Variants in ZNF354B observed in about 807,000 individuals in gnomAD.
ZNF354B encodes the protein zinc finger protein 354B.
ZNF354B carries 10 observed loss-of-function variants against 12.9 expected under a neutral mutation model. The observed-to-expected ratio is 0.77, with a 90% confidence interval of 0.48 to 1.31. ZNF354B has a LOEUF of 1.31. Ranked by LOEUF, ZNF354B falls within the 40% of genes most tolerant of loss-of-function variation. ZNF354B has a pLI of 0.00. For synonymous variants in ZNF354B, 260 were observed against 243.7 expected (o/e 1.07, Z -0.62); for missense variants, 614 against 711.7 (o/e 0.86, Z 1.56).
chr5:178,869,905 T>C (rs11950641), intron 4 of ZNF354B, among the ~76,000 whole-genome samples: 22,532 of 152,108 alleles, frequency 0.15, 2,033 homozygotes, highest in African/African-American at 0.25. Flanking sequence ...GGACTAAGAT[T>C]GCCCCAGGAC....
At chr5:178,867,360 C>G (rs1395870140) in intron 4 of ZNF354B, among the ~76,000 whole-genome samples, 2 of 152,170 alleles carry the variant, frequency 1.3e-5, no homozygotes, top group African/African-American at 4.8e-5. Context: ...AATAATCACT[C>G]TGGCTGAAGC....
intron 4 of ZNF354B, among the ~76,000 whole-genome samples, chr5:178,877,284 CT>C (rs1248875302): frequency 2.0e-5 from 3 of 152,152 alleles, no homozygotes; most frequent in African/African-American, 7.2e-5. Context: ...ATTCTTCTGC[CT>C]CAGCCTCCTG....
At chr5:178,869,552 C>T (rs1757528452) in intron 4 of ZNF354B, among the ~76,000 whole-genome samples, 1 of 152,092 alleles carries the variant, frequency 6.6e-6, no homozygotes, top group Admixed American at 6.5e-5. Flanking sequence ...AAGAGTTGTT[C>T]CCTTTCCCTT....
chr5:178,862,526 C>A (rs751677277), intron 2 of ZNF354B, among the ~76,000 whole-genome samples: 1 of 152,048 alleles, frequency 6.6e-6, no homozygotes, highest in Non-Finnish European at 1.5e-5. Context: ...GCCACCACGC[C>A]CGGCTAATTT....
chr5:178,881,016 T>C (rs112576473), intron 4 of ZNF354B, among the ~76,000 whole-genome samples: 22,468 of 151,456 alleles, frequency 0.15, 2,034 homozygotes, highest in African/African-American at 0.25. Flanking sequence ...CTAATTTTTG[T>C]TATTTTTAGT....
chr5:178,875,269 C>G (rs1036244152), intron 4 of ZNF354B, among the ~76,000 whole-genome samples: 1 of 152,160 alleles, frequency 6.6e-6, no homozygotes, highest in Non-Finnish European at 1.5e-5. Flanking sequence ...GAAGGGACTC[C>G]GGTTGGTGGT....
At chr5:178,861,997 T>C (rs1757355647) in intron 2 of ZNF354B, among the ~76,000 whole-genome samples, 1 of 152,168 alleles carries the variant, frequency 6.6e-6, no homozygotes, top group African/African-American at 2.4e-5. Flanking sequence ...ATTATTGTCT[T>C]AATATATTAA....
At chr5:178,879,951 C>T (rs1757693825) in intron 4 of ZNF354B, among the ~76,000 whole-genome samples, 1 of 151,334 alleles carries the variant, frequency 6.6e-6, no homozygotes, top group Admixed American at 6.6e-5. Context: ...CACGGCAAAA[C>T]CCCGTCTCTA....
At chr5:178,880,831 A>ATTTTTTTTTTTTTTT (rs56013359) in intron 4 of ZNF354B, among the ~76,000 whole-genome samples, 1 of 76,146 alleles carries the variant, frequency 1.3e-5, no homozygotes, top group Non-Finnish European at 2.3e-5. Context: ...ACTCATGGTC[A>ATTTTTTTTTTTTTTT]TTTTTTTTTT....
chr5:178,867,229 C>G (rs1223580506), intron 4 of ZNF354B, among the ~76,000 whole-genome samples, 158 bp downstream of exon 4: 1 of 152,200 alleles, frequency 6.6e-6, no homozygotes, highest in Non-Finnish European at 1.5e-5. Flanking sequence ...GGATTAGTCA[C>G]TTGTAATCAC....
At chr5:178,872,220 T>C (rs1055491091) in intron 4 of ZNF354B, among the ~76,000 whole-genome samples, 2 of 152,146 alleles carry the variant, frequency 1.3e-5, no homozygotes, top group Non-Finnish European at 2.9e-5. Context: ...GAATGTCATA[T>C]ACATGGAATA....
At position 178,884,029 on chromosome 5, in the gene ZNF354B, A is replaced by G. The variant is rs757712529; in HGVS notation, c.1577A>G (p.Glu526Gly). The G allele has an allele frequency of 6.2e-7, 1 of 1,614,112 alleles. No homozygotes were observed. Among genetic ancestry groups the G allele is most frequent in the South Asian group, 1.1e-5 (1 of 91,088 alleles). ...GGAGAGAAACCATATCGATGTTTAG[A>G]ATGTGGGATGTCTTTTGGCCAAAGT... is the stretch of plus-strand genomic sequence containing the variant. ...HTGEKPYRCLECGMSFGQSAA... is the reference protein window; with the variant it reads ...HTGEKPYRCLGCGMSFGQSAA... The change falls in exon 5 of 5, where the codon GAA becomes GGA. Residue 526 changes from glutamate to glycine, a missense_variant. Coordinates refer to ENST00000322434, the MANE Select transcript of ZNF354B (RefSeq NM_058230.3).
At chr5:178,865,664 A>G (rs1757436611) in intron 2 of ZNF354B, among the ~76,000 whole-genome samples, 1 of 152,236 alleles carries the variant, frequency 6.6e-6, no homozygotes, top group South Asian at 2.1e-4. Flanking sequence ...TGTGAAGGTT[A>G]GATACAGTAT....
At chr5:178,870,538 C>CCTTT (rs1757546339) in intron 4 of ZNF354B, among the ~76,000 whole-genome samples, 1 of 152,212 alleles carries the variant, frequency 6.6e-6, no homozygotes, top group Non-Finnish European at 1.5e-5. Flanking sequence ...CCTCAGCCTC[C>CCTTT]CAAAAGGCTG....
chr5:178,876,427 C>T (rs11952261), intron 4 of ZNF354B, among the ~76,000 whole-genome samples: 5,954 of 152,302 alleles, frequency 0.039, 410 homozygotes, highest in African/African-American at 0.14. Flanking sequence ...CCTCTCCCTT[C>T]GGGAGCTCTG....
chr5:178,869,607 A>G (rs1757529725), intron 4 of ZNF354B, among the ~76,000 whole-genome samples: 1 of 152,074 alleles, frequency 6.6e-6, no homozygotes, highest in Admixed American at 6.5e-5. Flanking sequence ...CCCTCTAGAG[A>G]GAAGTATTAA....
chr5:178,878,374 CTCCG>C (rs1342369740), intron 4 of ZNF354B, among the ~76,000 whole-genome samples: 1 of 149,424 alleles, frequency 6.7e-6, no homozygotes, highest in Non-Finnish European at 1.5e-5. Flanking sequence ...CAGAGCGAGA[CTCCG>C]TCTCAAAAAA....
In ZNF354B at chr5:178,883,191, T is replaced by C; in HGVS notation, c.739T>C (p.Cys247Arg). The change falls in exon 5 of 5, where the codon TGT (cysteine) becomes CGT (arginine). Residue 247 changes from cysteine to arginine, a missense_variant. Physicochemically the swap from Cys to Arg is radical, Grantham distance 180. Coordinates refer to ENST00000322434, the MANE Select transcript of ZNF354B (RefSeq NM_058230.3). Reference protein sequence around the residue: ...TGEKLFKCKECLKAFSQSSAL... With the variant: ...TGEKLFKCKERLKAFSQSSAL... ...AGAAAAATTATTTAAATGTAAAGAATGTTTAAAAGCTTTCAGCCAAAGTTC... is the reference window on the plus strand; with the variant it reads ...AGAAAAATTATTTAAATGTAAAGAACGTTTAAAAGCTTTCAGCCAAAGTTC... The C allele has an allele frequency of 6.2e-7, 1 of 1,613,628 alleles. No individual in the cohort carries two copies. Among genetic ancestry groups the C allele is most frequent in the South Asian group, 1.1e-5 (1 of 90,818 alleles).
chr5:178,875,166 G>C (rs1482560062), intron 4 of ZNF354B, among the ~76,000 whole-genome samples: 1 of 152,182 alleles, frequency 6.6e-6, no homozygotes, highest in African/African-American at 2.4e-5. Context: ...TCGAGTGCTG[G>C]CTGCACATCT....
Sources: allele counts gnomAD v4.1 joint callset (sites outside exome capture counted in the v4.1 genomes callset), GRCh38; gene constraint gnomAD v4.1.1; transcripts MANE v1.5; gene names NCBI Gene and HGNC (gene_info 2026-07-23, HGNC 2026-07-21).